COL28A1: variants seen among roughly 807,000 people sequenced by gnomAD.
COL28A1 encodes collagen type XXVIII alpha 1 chain, also known as collagen alpha-1(XXVIII) chain.
In COL28A1, 161 loss-of-function variants were observed where a neutral mutation model predicts 150.2. The observed-to-expected ratio is 1.07, with a 90% CI of 0.94 to 1.22. COL28A1 has a LOEUF of 1.22. Among genes scored for constraint, COL28A1 ranks in the 50% most tolerant of loss-of-function variants. The pLI is 0.00. For synonymous variants in COL28A1, 552 were observed against 469.7 expected, an observed-to-expected ratio of 1.18 and a Z score of -2.26; for missense variants, 1,617 against 1,388.3, an observed-to-expected ratio of 1.16 and a Z score of -2.62.
At chr7:7,451,752 A>T (rs1225951507) in intron 18 of COL28A1, among the ~76,000 whole-genome samples, 1 of 152,202 alleles carries the variant, frequency 6.6e-6, no homozygotes, top group Non-Finnish European at 1.5e-5. Flanking sequence ...TGTGTAGCAC[A>T]TGGAAACCAT....
Position 7,531,641 on chromosome 7 carries a change from C to T in COL28A1, c.388G>A (p.Gly130Ser), listed in dbSNP as rs755587127. The T allele has an allele frequency of 1.2e-6, 2 of 1,603,290 alleles. No homozygotes were observed. Among genetic ancestry groups the T allele is most frequent in the Non-Finnish European group, 1.7e-6 (2 of 1,170,226 alleles). Residue 130 changes from glycine (G) to serine (S), a missense_variant, in exon 3 of 35, where the codon GGT becomes AGT. Physicochemically the swap from Gly to Ser is moderately conservative, Grantham distance 56. Coordinates refer to ENST00000399429, the MANE Select transcript of COL28A1 (RefSeq NM_001037763.3). ...GAAATGGCATAATAAGAGAAGGTAC[C>T]TTGCCCTATTAAATTCATAGACTTG... The part of the protein sequence containing the change: ...KVKSMNLIGQ[G>S]TFSYYAISNA...
intron 15 of COL28A1, among the ~76,000 whole-genome samples, chr7:7,460,727 C>G (rs556367221): frequency 1.3e-5 from 2 of 152,356 alleles, no homozygotes; most frequent in South Asian, 4.1e-4. Flanking sequence ...GAAGAAATGT[C>G]TTTCGATAAT....
At chr7:7,494,648 T>C (rs562174608) in intron 11 of COL28A1, among the ~76,000 whole-genome samples, 4 of 152,244 alleles carry the variant, frequency 2.6e-5, no homozygotes, top group Non-Finnish European at 4.4e-5. Context: ...AATTTATGTC[T>C]ATAATTGAAT....
chr7:7,360,074 G>A (rs1232852741), intron 34 of COL28A1, among the ~76,000 whole-genome samples: 2 of 152,016 alleles, frequency 1.3e-5, no homozygotes, highest in African/African-American at 2.4e-5. Context: ...AAGACAATAG[G>A]GAGCAGTACG....
the COL28A1 span, among the ~76,000 whole-genome samples, chr7:7,349,277 G>A: frequency 1.3e-5 from 2 of 151,922 alleles, no homozygotes; most frequent in Admixed American, 6.6e-5. Context: ...ACCTATTTAC[G>A]GCCCAGAATA....
At chr7:7,513,022 T>C (rs571869318) in intron 8 of COL28A1, among the ~76,000 whole-genome samples, 3 of 152,324 alleles carry the variant, frequency 2.0e-5, no homozygotes, top group Admixed American at 6.5e-5. Flanking sequence ...TACGTTGTAA[T>C]ATAGTGGATT....
At chr7:7,383,223 A>G (rs760232253) in intron 27 of COL28A1, among the ~76,000 whole-genome samples, 4 of 150,934 alleles carry the variant, frequency 2.7e-5, no homozygotes, top group Non-Finnish European at 4.4e-5. Context: ...CTTTAACTAC[A>G]TTTCAAAATA....
chr7:7,381,296 G>C (rs1781859060), intron 28 of COL28A1, among the ~76,000 whole-genome samples: 1 of 152,138 alleles, frequency 6.6e-6, no homozygotes, highest in South Asian at 2.1e-4. Flanking sequence ...TATTGCTCAA[G>C]CTGGTCTTGA....
intron 15 of COL28A1, among the ~76,000 whole-genome samples, chr7:7,474,158 G>C (rs1194993833): frequency 6.6e-6 from 1 of 150,882 alleles, no homozygotes; most frequent in Non-Finnish European, 1.5e-5. Flanking sequence ...AATGAGATTG[G>C]AGACTATCAT....
At chr7:7,516,179 C>T (rs1006496136) in intron 7 of COL28A1, among the ~76,000 whole-genome samples, 10 of 152,322 alleles carry the variant, frequency 6.6e-5, no homozygotes, top group African/African-American at 2.4e-4. Context: ...CCCTTCAAAA[C>T]TGTTATATTG....
chr7:7,423,226 G>A (rs1188850836), intron 25 of COL28A1, among the ~76,000 whole-genome samples: 1 of 152,176 alleles, frequency 6.6e-6, no homozygotes, highest in Non-Finnish European at 1.5e-5. Context: ...GAGGAGTGAA[G>A]AATATAGCTA....
intron 25 of COL28A1, among the ~76,000 whole-genome samples, chr7:7,428,464 C>T (rs1445987191): frequency 6.6e-6 from 1 of 152,318 alleles, no homozygotes; most frequent in South Asian, 2.1e-4. Flanking sequence ...TCAGAGACAT[C>T]AGGAAATCAG....
intron 27 of COL28A1, among the ~76,000 whole-genome samples, chr7:7,416,367 G>A (rs1392024346): frequency 2.6e-5 from 4 of 152,154 alleles, no homozygotes; most frequent in Admixed American, 2.6e-4. Context: ...ACACAACCCA[G>A]GTGAGAATGA....
rs1163185355 is a variant in COL28A1 at position 7,507,177 on chromosome 7, GA to G, written c.928-17del. On this transcript the variant is annotated splice_polypyrimidine_tract_variant and intron_variant, in intron 9 of 34. Coordinates refer to ENST00000399429, the MANE Select transcript of COL28A1 (RefSeq NM_001037763.3). ...CTGGGGATCCCTGTGGAATAAAATT[GA>G]AAATAAGTCTCTCTAAATATACATC... 1.8e-6 allele frequency: 2 copies of G among 1,085,354 alleles called. No individual in the cohort carries two copies. The highest frequency in any genetic ancestry group is 3.5e-5 in the Admixed American group (2 of 57,800). 67.2% of individuals were successfully genotyped at this position (1,085,354 alleles called of 1,614,324 possible). A position where few individuals can be genotyped will look rare whatever the true frequency, so the allele number is the denominator to read the frequency against.
At chr7:7,504,672 A>C (rs1780713866) in intron 11 of COL28A1, among the ~76,000 whole-genome samples, 1 of 152,158 alleles carries the variant, frequency 6.6e-6, no homozygotes, top group South Asian at 2.1e-4. Context: ...ATGGGACCTC[A>C]CTGGGACTCT....
intron 15 of COL28A1, among the ~76,000 whole-genome samples, chr7:7,460,970 C>T (rs1787569724): frequency 6.6e-6 from 1 of 152,134 alleles, no homozygotes; most frequent in African/African-American, 2.4e-5. Context: ...GCACTGTGAA[C>T]CTTTGCTCTA....
intron 25 of COL28A1, among the ~76,000 whole-genome samples, chr7:7,429,447 T>TCTC (rs1562619850): frequency 2.9e-5 from 3 of 102,696 alleles, no homozygotes; most frequent in African/African-American, 1.6e-4. Context: ...CACACTCTCT[T>TCTC]TCTCTCTGTG....
intron 1 of COL28A1, among the ~76,000 whole-genome samples, chr7:7,534,791 A>G (rs932673169): frequency 6.6e-6 from 1 of 152,094 alleles, no homozygotes. Flanking sequence ...TAACTTTTCC[A>G]TTGACAATAA....
At chr7:7,349,594 C>G in the COL28A1 span, among the ~76,000 whole-genome samples, 1 of 152,112 alleles carries the variant, frequency 6.6e-6, no homozygotes. Context: ...TCCTGGAAAA[C>G]TGCCAGGCTC....
Sources: gnomAD v4.1 joint callset for allele counts (sites outside exome capture counted in the v4.1 genomes callset) on GRCh38, gnomAD v4.1.1 for gene constraint, MANE v1.5 for transcripts, NCBI Gene and HGNC (gene_info 2026-07-23, HGNC 2026-07-21) for gene names.